The following PDE10A variants were observed in gnomAD, a reference collection of about 807,000 sequenced individuals.
PDE10A encodes cAMP and cAMP-inhibited cGMP 3',5'-cyclic phosphodiesterase 10A.
PDE10A carries 39 observed loss-of-function variants against 97.7 expected under a neutral mutation model. That is an observed-to-expected ratio of 0.40 (90% CI 0.31 to 0.52). The LOEUF (loss-of-function observed/expected upper bound fraction) is 0.52. Ranked by LOEUF, PDE10A falls within the 20% of genes least tolerant of loss-of-function variation. The pLI is 0.56. For synonymous variants in PDE10A, 371 were observed against 376.8 expected (o/e 0.98, Z 0.18); for missense variants, 731 against 1,047.8 (o/e 0.70, Z 4.17).
At chr6:165,503,621 G>A (rs982384775) in intron 2 of PDE10A, among the ~76,000 whole-genome samples, 1 of 152,122 alleles carries the variant, frequency 6.6e-6, no homozygotes, top group Admixed American at 6.5e-5. Flanking sequence ...CTACTATGAT[G>A]TTCCCTAAGT....
At chr6:165,595,435 C>A (rs1786530525) in intron 1 of PDE10A, among the ~76,000 whole-genome samples, 1 of 152,218 alleles carries the variant, frequency 6.6e-6, no homozygotes, top group Admixed American at 6.5e-5. Flanking sequence ...AAATTATTAT[C>A]TTTCATTGTT....
intron 18 of PDE10A, among the ~76,000 whole-genome samples, chr6:165,375,354 T>C (rs1192606738): frequency 6.6e-6 from 1 of 152,184 alleles, no homozygotes; most frequent in African/African-American, 2.4e-5. Flanking sequence ...TTTAGTAATC[T>C]GGATAGAAGA....
intron 1 of PDE10A, among the ~76,000 whole-genome samples, chr6:165,547,915 G>A (rs1583515851): frequency 6.6e-6 from 1 of 152,030 alleles, no homozygotes; most frequent in Non-Finnish European, 1.5e-5. Flanking sequence ...TACCCTTTTG[G>A]TTTTTGCTTT....
intron 18 of PDE10A, among the ~76,000 whole-genome samples, chr6:165,365,880 T>G (rs1280980924): frequency 6.6e-6 from 1 of 152,148 alleles, no homozygotes; most frequent in African/African-American, 2.4e-5. Context: ...TAGCAAATTA[T>G]AATGTACAAA....
At chr6:165,767,619 T>C (rs73030277) in intron 1 of PDE10A, among the ~76,000 whole-genome samples, 15,917 of 152,302 alleles carry the variant, frequency 0.1, 1,044 homozygotes, top group South Asian at 0.2. Flanking sequence ...TGTGTCAGAA[T>C]TGCATTCCTT....
At chr6:165,499,827 T>C (rs572072546) in intron 2 of PDE10A, among the ~76,000 whole-genome samples, 3 of 152,308 alleles carry the variant, frequency 2.0e-5, no homozygotes, top group African/African-American at 7.2e-5. Context: ...TTTTTAGACA[T>C]TGAACACAAG....
At chr6:165,889,160 T>A (rs1376773203) in intron 1 of PDE10A, among the ~76,000 whole-genome samples, 3 of 152,186 alleles carry the variant, frequency 2.0e-5, no homozygotes, top group Non-Finnish European at 4.4e-5. Flanking sequence ...ACTAATATTT[T>A]TGCTGCTACC....
At chr6:165,477,447 T>C (rs937638044) in intron 3 of PDE10A, among the ~76,000 whole-genome samples, 1 of 152,212 alleles carries the variant, frequency 6.6e-6, no homozygotes, top group African/African-American at 2.4e-5. Context: ...GTAAATGCCA[T>C]GAGCGCAGGG....
intron 1 of PDE10A, among the ~76,000 whole-genome samples, chr6:165,589,200 T>A (rs1040358609): frequency 2.6e-5 from 4 of 152,200 alleles, no homozygotes; most frequent in African/African-American, 7.2e-5. Context: ...CCAATTCTGT[T>A]TACAAGCAAG....
At chr6:165,601,115 G>GA (rs1232650778) in intron 1 of PDE10A, among the ~76,000 whole-genome samples, 1 of 152,184 alleles carries the variant, frequency 6.6e-6, no homozygotes, top group Non-Finnish European at 1.5e-5. Flanking sequence ...TCATGATAGA[G>GA]AATAAGTCTC....
intron 1 of PDE10A, among the ~76,000 whole-genome samples, chr6:165,834,139 C>T (rs112568846): frequency 2.0e-5 from 3 of 152,306 alleles, no homozygotes; most frequent in African/African-American, 7.2e-5. Flanking sequence ...CACCTGGGAC[C>T]ACATGGAGCC....
At chr6:165,400,789 T>C (rs1280795055) in intron 13 of PDE10A, among the ~76,000 whole-genome samples, 10 of 152,268 alleles carry the variant, frequency 6.6e-5, no homozygotes, top group Non-Finnish European at 1.5e-4. Context: ...TTTAGTGTAA[T>C]AGCCAAAAAC....
At chr6:165,801,143 A>T (rs996925777) in intron 1 of PDE10A, among the ~76,000 whole-genome samples, 4 of 152,244 alleles carry the variant, frequency 2.6e-5, no homozygotes, top group African/African-American at 4.8e-5. Context: ...TGTCCATGTC[A>T]GTGTCCATAA....
At chr6:165,872,652 T>G (rs955318247) in intron 1 of PDE10A, among the ~76,000 whole-genome samples, 2 of 38,978 alleles carry the variant, frequency 5.1e-5, no homozygotes, top group Admixed American at 4.5e-4. Flanking sequence ...GGGAGCTGTG[T>G]TTTTTTTGTT....
chr6:165,758,557 G>A (rs967066958), intron 1 of PDE10A, among the ~76,000 whole-genome samples: 12 of 143,164 alleles, frequency 8.4e-5, no homozygotes, highest in African/African-American at 1.1e-4. Flanking sequence ...AAGAAGAAGA[G>A]GAAGAGGAAG....
intron 1 of PDE10A, among the ~76,000 whole-genome samples, chr6:165,746,772 C>G (rs1386005064): frequency 6.6e-6 from 1 of 152,180 alleles, no homozygotes; most frequent in African/African-American, 2.4e-5. Flanking sequence ...GATTTAGGAG[C>G]TCGGCAAATT....
intron 10 of PDE10A, among the ~76,000 whole-genome samples, chr6:165,424,984 C>T (rs1204307582): frequency 2.0e-5 from 3 of 151,730 alleles, no homozygotes; most frequent in African/African-American, 4.8e-5. Flanking sequence ...GAAGTACACA[C>T]ATCAAGGAAA....
chr6:165,850,400 C>T (rs1400331423), intron 1 of PDE10A, among the ~76,000 whole-genome samples: 1 of 152,186 alleles, frequency 6.6e-6, no homozygotes, highest in African/African-American at 2.4e-5. Flanking sequence ...GAACAGAAAT[C>T]AGGGAGAAGC....
chr6:165,670,442 T>C (rs1029848711), intron 1 of PDE10A, among the ~76,000 whole-genome samples: 5 of 152,194 alleles, frequency 3.3e-5, no homozygotes, highest in African/African-American at 1.2e-4. Context: ...ACAGGTACAC[T>C]GAGAAATATA....
Sources: allele counts gnomAD v4.1 joint callset (sites outside exome capture counted in the v4.1 genomes callset), GRCh38; gene constraint gnomAD v4.1.1; transcripts MANE v1.5; gene names NCBI Gene and HGNC (gene_info 2026-07-23, HGNC 2026-07-21).